Variants in LRRIQ3 observed in about 807,000 individuals in gnomAD.
LRRIQ3 encodes the protein leucine rich repeats and IQ motif containing 3, also known as leucine-rich repeat and IQ domain-containing protein 3.
LRRIQ3 carries 75 observed loss-of-function variants against 59.3 expected under a neutral mutation model. The observed-to-expected ratio is 1.26, with a 90% CI of 1.05 to 1.53. The LOEUF is 1.53. Ranked by LOEUF, LRRIQ3 falls within the 40% of genes most tolerant of loss-of-function variation. The pLI is 0.00. For missense variants in LRRIQ3, 831 were observed against 710.0 expected, an observed-to-expected ratio of 1.17 and a Z score of -1.94; for synonymous variants, 250 against 231.3, an observed-to-expected ratio of 1.08 and a Z score of -0.73.
chr1:74,175,704 TGAGG>T (rs775128245), intron 3 of LRRIQ3, among the ~76,000 whole-genome samples: 12 of 152,182 alleles, frequency 7.9e-5, no homozygotes, highest in Non-Finnish European at 1.6e-4. Flanking sequence ...TTGGTGCTTC[TGAGG>T]GAGGGCTAGA....
intron 1 of LRRIQ3, among the ~76,000 whole-genome samples, chr1:74,195,364 G>T (rs1651045909): frequency 6.6e-6 from 1 of 152,006 alleles, no homozygotes; most frequent in Non-Finnish European, 1.5e-5. Flanking sequence ...TATTCATTTG[G>T]CTTCAACTTC....
At chr1:74,095,029 C>A (rs1646434265) in intron 5 of LRRIQ3, 1 of 152,054 alleles carries the variant, frequency 6.6e-6, no homozygotes. Context: ...GTGGGGCCTA[C>A]CAGATATAAG....
chr1:74,055,334 T>C (rs1654500036), intron 6 of LRRIQ3, among the ~76,000 whole-genome samples: 1 of 151,886 alleles, frequency 6.6e-6, no homozygotes, highest in Non-Finnish European at 1.5e-5. Context: ...AAAGCAGGTA[T>C]CTATTAGCAG....
At chr1:74,142,201 T>C (rs1434273987) in intron 4 of LRRIQ3, among the ~76,000 whole-genome samples, 1 of 151,928 alleles carries the variant, frequency 6.6e-6, no homozygotes, top group Non-Finnish European at 1.5e-5. Context: ...AGTACTATTT[T>C]AAGTTACTTT....
intron 5 of LRRIQ3, among the ~76,000 whole-genome samples, chr1:74,094,599 G>T (rs79927868): frequency 0.015 from 2,298 of 152,152 alleles, 55 homozygotes; most frequent in African/African-American, 0.052. Context: ...ATAAAGGAAT[G>T]AATTTATCCC....
Position 74,031,726 on chromosome 1 carries a change from C to T in LRRIQ3, c.1719-4757G>A, listed in dbSNP as rs112808280. On this transcript the variant is annotated intron_variant, in intron 7 of 7. Transcript: ENST00000354431. ...TGTATACATATGTAACAAACCTGCA[C>T]GTTGTGCACATGTACCCTAGAACTT... Among the ~76,000 whole-genome samples, 689 of 151,890 alleles carry T rather than the reference C, an allele frequency of 4.5e-3. 11 individuals carry two copies. The highest frequency in any genetic ancestry group is 0.015 in the African/African-American group (632 of 41,416).
chr1:74,181,925 G>T (rs900915762), intron 3 of LRRIQ3: 2 of 151,598 alleles, frequency 1.3e-5, no homozygotes, highest in Non-Finnish European at 3.0e-5. Context: ...AACATTTCCT[G>T]CAACTTATTG....
intron 4 of LRRIQ3, among the ~76,000 whole-genome samples, chr1:74,139,046 G>T (rs897742123): frequency 1.4e-5 from 2 of 147,508 alleles, no homozygotes; most frequent in Admixed American, 1.4e-4. Flanking sequence ...CACAAAAAAT[G>T]TATTTATGTG....
At chr1:74,103,656 T>C (rs1646564888) in intron 5 of LRRIQ3, among the ~76,000 whole-genome samples, 1 of 151,966 alleles carries the variant, frequency 6.6e-6, no homozygotes. Flanking sequence ...TTGCTAAATC[T>C]CATAGAGAAT....
intron 5 of LRRIQ3, among the ~76,000 whole-genome samples, chr1:74,096,854 AGAACAGCAAATATTGCT>A (rs1442763577): frequency 2.0e-5 from 3 of 152,286 alleles, no homozygotes; most frequent in East Asian, 3.9e-4. Context: ...AGGAGGCTGC[AGAACAGCAAATATTGCT>A]GAACAGCAAA....
rs185731381 is a variant in LRRIQ3, at chr1:74,172,522, T to C, written c.573+10016A>G. On this transcript the variant is annotated intron_variant, in intron 3 of 7. Coordinates refer to ENST00000354431, the MANE Select transcript of LRRIQ3 (RefSeq NM_001105659.2). The stretch of plus-strand genomic sequence containing the variant: ...CTATGTCATTTATTCTAAAGAAGGT[T>C]CTGTGTGTGCTTGAAAGGAATGTAT... Among the ~76,000 whole-genome samples, 630 of 152,296 alleles carry C rather than the reference T, an allele frequency of 4.1e-3. 21 individuals carry two copies. Among genetic ancestry groups the C allele is most frequent in the Admixed American group, 0.039 (599 of 15,298 alleles).
chr1:74,073,610 T>C (rs1025788079), intron 6 of LRRIQ3, among the ~76,000 whole-genome samples: 2 of 46,620 alleles, frequency 4.3e-5, no homozygotes, highest in African/African-American at 6.9e-5. Flanking sequence ...GTCCATTCTT[T>C]AAAAAAAAAA....
intron 6 of LRRIQ3, among the ~76,000 whole-genome samples, chr1:74,071,409 T>C (rs766343681): frequency 1.6e-4 from 25 of 152,156 alleles, no homozygotes; most frequent in Non-Finnish European, 1.9e-4. Flanking sequence ...CACAACCCTC[T>C]GGAAAATAAA....
At chr1:74,046,110 T>C (rs1460956979) in intron 6 of LRRIQ3, among the ~76,000 whole-genome samples, 3 of 152,146 alleles carry the variant, frequency 2.0e-5, no homozygotes, top group Non-Finnish European at 2.9e-5. Flanking sequence ...AAAACTACTT[T>C]AAAGTTCATA....
chr1:74,047,751 G>A (rs116367839), intron 6 of LRRIQ3, among the ~76,000 whole-genome samples: 2,181 of 152,018 alleles, frequency 0.014, 53 homozygotes, highest in African/African-American at 0.05. Context: ...CCTCCAGAAT[G>A]ATTTTAAAAA....
rs1234626103 is a variant in LRRIQ3, at chr1:74,026,350, C to T, written c.*463G>A. ...GAAACCATACTTTAAAAAATAAATT[C>T]AGAAATTGTTTTAACAAAATAAGCA... On this transcript the variant is annotated 3_prime_UTR_variant, in exon 8 of 8. Transcript: ENST00000354431. 2 of 151,942 alleles carry T rather than the reference C, an allele frequency of 1.3e-5. No individual in the cohort carries two copies. The highest frequency in any genetic ancestry group is 2.9e-5 in the Non-Finnish European group (2 of 67,964). The allele number at this position is 151,942 out of a possible 1,614,324, so 9.4% of individuals were successfully genotyped here. A position where few individuals can be genotyped will look rare whatever the true frequency, so the allele number is the denominator to read the frequency against.
chr1:74,118,565 C>T (rs1412533093), intron 4 of LRRIQ3, among the ~76,000 whole-genome samples: 2 of 151,932 alleles, frequency 1.3e-5, no homozygotes, highest in African/African-American at 2.4e-5. Context: ...TTCTCCCCAA[C>T]CCCACTACCT....
intron 1 of LRRIQ3, among the ~76,000 whole-genome samples, chr1:74,192,566 A>G (rs1203559835): frequency 6.6e-6 from 1 of 152,138 alleles, no homozygotes; most frequent in Non-Finnish European, 1.5e-5. Flanking sequence ...CACTAAAATA[A>G]TTTAGTCTTA....
chr1:74,133,665 G>A (rs1647067406), intron 4 of LRRIQ3, among the ~76,000 whole-genome samples: 1 of 131,298 alleles, frequency 7.6e-6, no homozygotes. Flanking sequence ...TGAACAATGA[G>A]AACACTTGGA....
Sources: gnomAD v4.1 joint callset for allele counts (sites outside exome capture counted in the v4.1 genomes callset) on GRCh38, gnomAD v4.1.1 for gene constraint, MANE v1.5 for transcripts, NCBI Gene and HGNC (gene_info 2026-07-23, HGNC 2026-07-21) for gene names.